Variants in NCKAP5 observed in about 807,000 individuals in gnomAD.
NCKAP5 encodes nck-associated protein 5.
NCKAP5 carries 92 observed loss-of-function variants against 167.0 expected under a neutral mutation model. The observed-to-expected ratio is 0.55, with a 90% CI of 0.47 to 0.66. The LOEUF is 0.66. NCKAP5 is among the 30% of genes least tolerant of loss of function. NCKAP5 has a pLI of 0.00. For missense variants in NCKAP5, 2,378 were observed against 2,315.0 expected (o/e 1.03, Z -0.56); for synonymous variants, 891 against 877.4 (o/e 1.02, Z -0.27).
chr2:133,609,387 AAGTCACATG>A, the NCKAP5 span, among the ~76,000 whole-genome samples: 1 of 152,230 alleles, frequency 6.6e-6, no homozygotes, highest in Non-Finnish European at 1.5e-5. Context: ...GTTTTTAAGA[AAGTCACATG>A]AGTTTAATTG....
intron 8 of NCKAP5, among the ~76,000 whole-genome samples, chr2:132,957,529 G>GA: frequency 6.6e-6 from 1 of 152,092 alleles, no homozygotes; most frequent in South Asian, 2.1e-4. Context: ...TTGGGGCTCA[G>GA]AAAAAATATC....
intron 3 of NCKAP5, among the ~76,000 whole-genome samples, chr2:133,476,977 A>G (rs772436573): frequency 1.3e-5 from 2 of 152,146 alleles, no homozygotes; most frequent in Non-Finnish European, 2.9e-5. Flanking sequence ...CCAGGCTACC[A>G]CAACAGAACC....
intron 3 of NCKAP5, among the ~76,000 whole-genome samples, chr2:133,459,537 A>G (rs1692074858): frequency 6.6e-6 from 1 of 152,180 alleles, no homozygotes; most frequent in Non-Finnish European, 1.5e-5. Flanking sequence ...ATACCTATGT[A>G]TAAAGAAATA....
chr2:133,337,226 T>C (rs1419445596), intron 3 of NCKAP5, among the ~76,000 whole-genome samples: 1 of 152,260 alleles, frequency 6.6e-6, no homozygotes, highest in East Asian at 1.9e-4. Flanking sequence ...ATCCAGCTGC[T>C]GCTATTGTGT....
chr2:133,606,024 T>C, the NCKAP5 span, among the ~76,000 whole-genome samples: 1 of 151,982 alleles, frequency 6.6e-6, no homozygotes. Context: ...AGCAGGTTAA[T>C]GTGGAAAAAA....
intron 19 of NCKAP5, among the ~76,000 whole-genome samples, chr2:132,693,927 T>C (rs1202766377): frequency 6.6e-6 from 1 of 151,874 alleles, no homozygotes; most frequent in Non-Finnish European, 1.5e-5. Flanking sequence ...CCCAGCCCCT[T>C]TCTCTTGTGT....
At chr2:133,273,347 A>G (rs1017518892) in intron 4 of NCKAP5, among the ~76,000 whole-genome samples, 1 of 152,090 alleles carries the variant, frequency 6.6e-6, no homozygotes, top group Non-Finnish European at 1.5e-5. Flanking sequence ...TTCTTTGGAG[A>G]AATTTCTTTT....
intron 8 of NCKAP5, among the ~76,000 whole-genome samples, chr2:132,918,908 G>T (rs543035752): frequency 1.3e-5 from 2 of 152,196 alleles, no homozygotes; most frequent in Non-Finnish European, 2.9e-5. Flanking sequence ...TGGGATGAAA[G>T]CTTCATGTTT....
At chr2:133,411,218 A>T (rs932754494) in intron 3 of NCKAP5, among the ~76,000 whole-genome samples, 2 of 152,226 alleles carry the variant, frequency 1.3e-5, no homozygotes, top group African/African-American at 4.8e-5. Flanking sequence ...CACATATAGC[A>T]GTAGTAGCAG....
At chr2:133,568,690 AAGAC>A (rs1688735430), upstream of NCKAP5, among the ~76,000 whole-genome samples, 1 of 152,186 alleles carries the variant, frequency 6.6e-6, no homozygotes, top group Admixed American at 6.5e-5. Context: ...AGGTCTGAAA[AAGAC>A]AGAGAATCGC....
At chr2:133,329,075 G>A (rs10928451) in intron 3 of NCKAP5, among the ~76,000 whole-genome samples, 45,183 of 152,010 alleles carry the variant, frequency 0.3, 7,087 homozygotes, top group African/African-American at 0.39. Context: ...ATAGCTTGCC[G>A]TTAATACTTC....
intron 18 of NCKAP5, among the ~76,000 whole-genome samples, chr2:132,727,527 T>C (rs1690580524): frequency 6.6e-6 from 1 of 152,266 alleles, no homozygotes; most frequent in Non-Finnish European, 1.5e-5. Context: ...CACAAGTCTA[T>C]GTGGGCAACA....
At position 133,558,447 on chromosome 2, in the gene NCKAP5, T is replaced by C. The variant is rs551917178; in HGVS notation, c.-62+603A>G. Among the ~76,000 whole-genome samples, 928 of 151,794 alleles carry C rather than the reference T, an allele frequency of 6.1e-3. 6 individuals are homozygous for C. Among genetic ancestry groups the C allele is most frequent in the Non-Finnish European group, 0.011 (727 of 67,934 alleles). On this transcript the variant is annotated intron_variant, in intron 2 of 19. Coordinates refer to ENST00000409261, the MANE Select transcript of NCKAP5 (RefSeq NM_207363.3). ...CAGAAGATTGAGAAATAAGGTGGCATAGACAGAGAGATGTGAAAGAGGAAG... is the reference window on the plus strand; with the variant it reads ...CAGAAGATTGAGAAATAAGGTGGCACAGACAGAGAGATGTGAAAGAGGAAG...
chr2:133,546,331 G>T (rs1004928316), intron 2 of NCKAP5, among the ~76,000 whole-genome samples: 2 of 152,128 alleles, frequency 1.3e-5, no homozygotes, highest in South Asian at 2.1e-4. Context: ...TTTTCAAAAC[G>T]GTAGAAAGGG....
chr2:132,755,854 AAATAAT>A (rs56967710), intron 16 of NCKAP5, among the ~76,000 whole-genome samples: 14 of 143,806 alleles, frequency 9.7e-5, no homozygotes, highest in East Asian at 4.1e-4. Flanking sequence ...CTAAATGGCA[AAATAAT>A]AATAATAATA....
intron 6 of NCKAP5, among the ~76,000 whole-genome samples, chr2:133,019,110 G>C (rs1315302701): frequency 6.6e-6 from 1 of 152,176 alleles, no homozygotes; most frequent in Non-Finnish European, 1.5e-5. Flanking sequence ...TGATACCGTG[G>C]ATTTCACTTC....
chr2:133,235,719 A>G (rs2150271184), intron 4 of NCKAP5, among the ~76,000 whole-genome samples: 1 of 152,134 alleles, frequency 6.6e-6, no homozygotes, highest in South Asian at 2.1e-4. Context: ...AGCCTGACCA[A>G]CATGGAGGAA....
chr2:132,730,360 T>C (rs1690877118), intron 17 of NCKAP5, among the ~76,000 whole-genome samples: 1 of 152,108 alleles, frequency 6.6e-6, no homozygotes, highest in Non-Finnish European at 1.5e-5. Flanking sequence ...CCAGGTATGG[T>C]GGCACATGAC....
At chr2:133,011,950 C>G (rs963228546) in intron 6 of NCKAP5, among the ~76,000 whole-genome samples, 1 of 152,102 alleles carries the variant, frequency 6.6e-6, no homozygotes, top group African/African-American at 2.4e-5. Context: ...TTGCTGGACC[C>G]CTTGCTTCCA....
Sources: allele counts gnomAD v4.1 joint callset (sites outside exome capture counted in the v4.1 genomes callset), GRCh38; gene constraint gnomAD v4.1.1; transcripts MANE v1.5; gene names NCBI Gene and HGNC (gene_info 2026-07-23, HGNC 2026-07-21).